Variants in KCNQ5 observed in about 807,000 individuals in gnomAD.
The protein encoded by KCNQ5 is potassium voltage-gated channel subfamily Q member 5, also known as potassium voltage-gated channel subfamily KQT member 5.
In KCNQ5, 30 loss-of-function variants were observed where a neutral mutation model predicts 98.2. The observed-to-expected ratio is 0.31, with a 90% confidence interval of 0.23 to 0.41. The LOEUF is 0.41. Ranked by LOEUF, KCNQ5 falls within the 10% of genes least tolerant of loss-of-function variation. The pLI is 1.00. For missense variants in KCNQ5, 835 were observed against 1,182.5 expected, an observed-to-expected ratio of 0.71 and a Z score of 4.31; for synonymous variants, 458 against 449.4, an observed-to-expected ratio of 1.02 and a Z score of -0.24.
At chr6:72,860,663 C>G (rs1015740940) in intron 1 of KCNQ5, among the ~76,000 whole-genome samples, 1 of 152,078 alleles carries the variant, frequency 6.6e-6, no homozygotes, top group Non-Finnish European at 1.5e-5. Flanking sequence ...ACTACAAGAA[C>G]TTTAATCAAT....
intron 11 of KCNQ5, among the ~76,000 whole-genome samples, chr6:73,180,342 G>A (rs912221908): frequency 5.9e-5 from 9 of 152,196 alleles, no homozygotes; most frequent in Non-Finnish European, 8.8e-5. Flanking sequence ...AGTCACTTTA[G>A]CACTTCCTTT....
At chr6:72,699,607 A>G (rs1188888862) in intron 1 of KCNQ5, among the ~76,000 whole-genome samples, 1 of 152,184 alleles carries the variant, frequency 6.6e-6, no homozygotes. Flanking sequence ...AAATATCACA[A>G]TTAAAGGACA....
intron 1 of KCNQ5, among the ~76,000 whole-genome samples, chr6:72,814,352 A>G (rs1255115912): frequency 1.3e-5 from 2 of 152,102 alleles, no homozygotes; most frequent in African/African-American, 4.8e-5. Context: ...TAATTGTGTA[A>G]CCTTAGGGAG....
intron 1 of KCNQ5, among the ~76,000 whole-genome samples, chr6:72,983,619 T>C (rs913391186): frequency 6.6e-6 from 1 of 152,194 alleles, no homozygotes; most frequent in Non-Finnish European, 1.5e-5. Context: ...GGCTCGAACA[T>C]CCTCCTTTAG....
Position 72,709,739 on chromosome 6 carries a change from A to G in KCNQ5, c.398+87152A>G, listed in dbSNP as rs1463792414. On this transcript the variant is annotated intron_variant, in intron 1 of 13. Transcript: ENST00000370398. ...TGAGCATAACAGACATTCTTCCTGT[A>G]CTACAGAGATTACCCTCTGGTGGAG... is the stretch of plus-strand genomic sequence containing the variant. Among the ~76,000 whole-genome samples the G allele has an allele frequency of 2.6e-5, 4 of 152,228 alleles. No homozygotes were observed. In the South Asian group the frequency reaches 6.2e-4, roughly 24 times the overall value.
intron 1 of KCNQ5, among the ~76,000 whole-genome samples, chr6:72,632,160 C>G (rs1279874936): frequency 8.3e-6 from 1 of 119,786 alleles, no homozygotes. Flanking sequence ...TTTTTTGAGA[C>G]GGAGTCTCAC....
At chr6:72,630,924 G>A (rs1349814714) in intron 1 of KCNQ5, among the ~76,000 whole-genome samples, 1 of 152,140 alleles carries the variant, frequency 6.6e-6, no homozygotes, top group East Asian at 1.9e-4. Flanking sequence ...GATGGCTTGA[G>A]GGAGACAAAA....
At chr6:73,090,532 T>C (rs1774201672) in intron 5 of KCNQ5, among the ~76,000 whole-genome samples, 1 of 152,186 alleles carries the variant, frequency 6.6e-6, no homozygotes, top group Non-Finnish European at 1.5e-5. Flanking sequence ...TCTAGAGTGT[T>C]TATAGTTTCA....
chr6:72,937,403 AC>A (rs1251052631), intron 1 of KCNQ5, among the ~76,000 whole-genome samples: 2 of 152,210 alleles, frequency 1.3e-5, no homozygotes, highest in African/African-American at 4.8e-5. Flanking sequence ...GCATGCACCC[AC>A]CAGAACCACA....
At chr6:72,782,367 C>T (rs934978066) in intron 1 of KCNQ5, among the ~76,000 whole-genome samples, 1 of 152,138 alleles carries the variant, frequency 6.6e-6, no homozygotes, top group Non-Finnish European at 1.5e-5. Context: ...ACCGTGGTCC[C>T]ACACAGCGCA....
At chr6:72,760,223 A>G (rs987932144) in intron 1 of KCNQ5, among the ~76,000 whole-genome samples, 1 of 152,144 alleles carries the variant, frequency 6.6e-6, no homozygotes, top group African/African-American at 2.4e-5. Flanking sequence ...TTCATGCTGT[A>G]CCAAGAAAGG....
chr6:73,020,818 C>G (rs1285726525), intron 2 of KCNQ5, among the ~76,000 whole-genome samples: 1 of 152,044 alleles, frequency 6.6e-6, no homozygotes, highest in Non-Finnish European at 1.5e-5. Flanking sequence ...CTGTGTATTT[C>G]ACAGTATCAC....
chr6:72,726,151 A>T (rs1296757663), intron 1 of KCNQ5, among the ~76,000 whole-genome samples: 1 of 151,918 alleles, frequency 6.6e-6, no homozygotes, highest in Non-Finnish European at 1.5e-5. Context: ...CCTTACACTT[A>T]TCAGAAAAAC....
At chr6:73,177,449 A>G (rs747424879) in intron 11 of KCNQ5, among the ~76,000 whole-genome samples, 2 of 152,188 alleles carry the variant, frequency 1.3e-5, no homozygotes, top group Non-Finnish European at 2.9e-5. Flanking sequence ...GTTGGGTGAT[A>G]AAGTTTTTCA....
rs201503571 is a variant in KCNQ5 at position 72,974,385 on chromosome 6, C to CAAAAA, written c.399-29513_399-29509dup. 4.1e-3 allele frequency among the ~76,000 whole-genome samples: 489 copies of CAAAAA among 120,456 alleles called. 3 individuals are homozygous for CAAAAA. The highest frequency in any genetic ancestry group is 0.013 in the African/African-American group (457 of 34,170). The allele number at this position is 120,456 out of a possible 152,430, so 79.0% of individuals were successfully genotyped here. On this transcript the variant is annotated intron_variant, in intron 1 of 13. Coordinates refer to ENST00000370398, the MANE Select transcript of KCNQ5 (RefSeq NM_019842.4). ...TCCTACAGATGGCAATAACTAGTGG[C>CAAAAA]AAAAAAAAAAAAAAGGCCTAGACTC...
chr6:73,142,917 G>A (rs191598719), intron 10 of KCNQ5, among the ~76,000 whole-genome samples: 37 of 152,048 alleles, frequency 2.4e-4, no homozygotes, highest in Admixed American at 3.3e-4. Context: ...ACTCCATCTC[G>A]AAAATAAATA....
chr6:73,009,967 C>T (rs1020835439), intron 2 of KCNQ5, among the ~76,000 whole-genome samples: 2 of 152,128 alleles, frequency 1.3e-5, no homozygotes, highest in Admixed American at 1.3e-4. Flanking sequence ...TAATATCAAT[C>T]CTTCTGAAAC....
chr6:72,794,756 A>G (rs763021661), intron 1 of KCNQ5, among the ~76,000 whole-genome samples: 2 of 152,210 alleles, frequency 1.3e-5, no homozygotes, highest in Non-Finnish European at 1.5e-5. Context: ...GAAATAAAAC[A>G]AAGCAAGAGA....
intron 1 of KCNQ5, among the ~76,000 whole-genome samples, chr6:72,843,043 A>G (rs1158471402): frequency 6.6e-6 from 1 of 152,150 alleles, no homozygotes; most frequent in African/African-American, 2.4e-5. Context: ...TATTTTAGTC[A>G]TGAAGTCTTT....
Sources: gnomAD v4.1 joint callset for allele counts (sites outside exome capture counted in the v4.1 genomes callset) on GRCh38, gnomAD v4.1.1 for gene constraint, MANE v1.5 for transcripts, NCBI Gene and HGNC (gene_info 2026-07-23, HGNC 2026-07-21) for gene names.